Variants in RESP18 observed in about 807,000 individuals in gnomAD.
RESP18 encodes the protein regulated endocrine specific protein 18, also known as regulated endocrine-specific protein 18.
A neutral mutation model predicts 30.0 loss-of-function variants in RESP18; 30 were observed. The observed-to-expected ratio is 1.00, with a 90% CI of 0.75 to 1.36. RESP18 has a LOEUF of 1.36. Among genes scored for constraint, RESP18 ranks in the 40% most tolerant of loss-of-function variants. The pLI is 0.00. For synonymous variants in RESP18, 117 were observed against 111.2 expected, an observed-to-expected ratio of 1.05 and a Z score of -0.33; for missense variants, 320 against 284.2, an observed-to-expected ratio of 1.13 and a Z score of -0.91.
In RESP18 at chr2:219,332,628, A is replaced by G; in HGVS notation, c.128T>C (p.Ile43Thr). ...GCTCCCAGGCCACAGTGGGTGCTGT[A>G]TCCTCCCAGGCTCGGCGCGCTCACT... Residue 43 changes from isoleucine (I) to threonine (T), a missense_variant, in exon 2 of 7, where the codon ATA becomes ACA. Transcript: ENST00000333527. 1 of 1,551,422 alleles carries G rather than the reference A, an allele frequency of 6.4e-7. No homozygotes were observed. The highest frequency in any genetic ancestry group is 1.2e-5 in the South Asian group (1 of 84,046).
At chr2:219,329,330 A>AATCC (rs767874429) in intron 4 of RESP18, 78 bp from the exon 4 acceptor site, 21 of 1,551,656 alleles carry the variant, frequency 1.4e-5, no homozygotes, top group Middle Eastern at 1.7e-4. Flanking sequence ...AATTGGATAC[A>AATCC]AAGTCAGGGA....
At chr2:219,331,983 A>G (rs1952836484) in intron 2 of RESP18, among the ~76,000 whole-genome samples, 1 of 152,230 alleles carries the variant, frequency 6.6e-6, no homozygotes, top group South Asian at 2.1e-4. Flanking sequence ...CGCTCTGCGC[A>G]GGAGTTCTCG....
At chr2:219,327,885 C>T (rs1952789874) in intron 6 of RESP18, among the ~76,000 whole-genome samples, 1 of 151,446 alleles carries the variant, frequency 6.6e-6, no homozygotes, top group Non-Finnish European at 1.5e-5. Context: ...GCCCCAGCAA[C>T]CAATCCAGGC....
At position 219,332,555 on chromosome 2, in the gene RESP18, G is replaced by A. The variant is rs1012769810; in HGVS notation, c.201C>T (p.Cys67=). The change falls in exon 2 of 7, where the codon TGC becomes TGT. Residue 67 remains cysteine (C), a synonymous_variant. Transcript: ENST00000333527. ...CACTAGTGTCGCTGCAGCCCCCCGG[G>A]CAGCTGTTCAGCAGCAGGAAGCAGA... 1.9e-6 allele frequency: 3 copies of A among 1,551,246 alleles called. No individual in the cohort carries two copies. The highest frequency in any genetic ancestry group is 1.4e-5 in the African/African-American group (1 of 73,140).
chr2:219,327,441 G>T lies in RESP18; in HGVS notation c.*76C>A. 1 of 1,272,848 alleles carries T rather than the reference G, an allele frequency of 7.9e-7. No homozygotes were observed. Among genetic ancestry groups the T allele is most frequent in the South Asian group, 1.3e-5 (1 of 78,300 alleles). 78.8% of individuals were successfully genotyped at this position (1,272,848 alleles called of 1,614,324 possible). On this transcript the variant is annotated 3_prime_UTR_variant, in exon 7 of 7. Transcript: ENST00000333527. Reference sequence around the variant, plus strand: ...GAGTCTACTTTAATGATTCAAATCTGGGTCATCCAAGAACTGCTCCTCTGA... The same window carrying T: ...GAGTCTACTTTAATGATTCAAATCTTGGTCATCCAAGAACTGCTCCTCTGA...
rs1952811349 is a variant in RESP18 at position 219,329,756 on chromosome 2, AGAACAGACCTGCAG to A, written c.338-6_345del. 1 of 1,551,462 alleles carries A rather than the reference AGAACAGACCTGCAG, an allele frequency of 6.4e-7. No individual in the cohort carries two copies. The highest frequency in any genetic ancestry group is 1.2e-5 in the South Asian group (1 of 84,048). On this transcript the variant is annotated splice_acceptor_variant and splice_polypyrimidine_tract_variant and coding_sequence_variant and intron_variant, in exon 4 of 7. Coordinates refer to ENST00000333527, the MANE Select transcript of RESP18 (RefSeq NM_001007089.4). LOFTEE classifies it high-confidence loss of function. ...GCATCCTGGGTGATGTCATCCTTCC[AGAACAGACCTGCAG>A]GATGAAAGGATGGGGGGTGAGTTGA...
intron 4 of RESP18, 180 bp downstream of exon 3, chr2:219,329,457 C>T: frequency 6.4e-7 from 1 of 1,550,828 alleles, no homozygotes; most frequent in Non-Finnish European, 8.7e-7. Flanking sequence ...CACCCACCTC[C>T]CCTCCCTTTG....
chr2:219,328,329 A>G (rs1469940171), intron 6 of RESP18, among the ~76,000 whole-genome samples: 1 of 152,118 alleles, frequency 6.6e-6, no homozygotes, highest in African/African-American at 2.4e-5. Flanking sequence ...GTTCCTTAAC[A>G]TGACATGGTA....
intron 3 of RESP18, among the ~76,000 whole-genome samples, chr2:219,330,503 C>T (rs996990291): frequency 1.3e-5 from 2 of 150,594 alleles, no homozygotes; most frequent in African/African-American, 4.9e-5. Flanking sequence ...AGACTAGTCT[C>T]AAGGAGTTGG....
In RESP18 at chr2:219,332,726, C is replaced by T. The variant is rs1952845276; in HGVS notation, c.30G>A (p.Ala10=). 6.5e-7 allele frequency: 1 copy of T among 1,545,280 alleles called. No individual in the cohort carries two copies. Among genetic ancestry groups the T allele is most frequent in the African/African-American group, 1.4e-5 (1 of 72,914 alleles). Reference sequence around the variant, plus strand: ...GCGGGGCTGCAGCTTCCCACCAGCCCGCGACTCCGAATCTGTTTAACCCTC... The same window carrying T: ...GCGGGGCTGCAGCTTCCCACCAGCCTGCGACTCCGAATCTGTTTAACCCTC... Residue 10 remains alanine, a synonymous_variant, in exon 2 of 7, where the codon GCG becomes GCA. Transcript: ENST00000333527.
At chr2:219,332,892 C>G (rs1053956884) in intron 1 of RESP18, among the ~76,000 whole-genome samples, 148 bp from the exon 1 acceptor site, 2 of 152,128 alleles carry the variant, frequency 1.3e-5, no homozygotes, top group African/African-American at 4.8e-5. Context: ...CAAGAACCAC[C>G]GCCTGTACTC....
chr2:219,328,958 TCC>T lies in RESP18; in HGVS notation c.604_605del (p.Gly202ThrfsTer3). The T allele has an allele frequency of 1.9e-6, 3 of 1,551,342 alleles. No homozygotes were observed. The highest frequency in any genetic ancestry group is 2.4e-5 in the South Asian group (2 of 84,038). The stretch of plus-strand genomic sequence containing the variant: ...TATAGATAATTTCTTCCTTAGAGGG[TCC>T]CGGCGCCTGCATCATGTCCAGCCCC... On this transcript the variant is annotated frameshift_variant, in exon 6 of 7. Transcript: ENST00000333527. LOFTEE classifies it low-confidence loss of function (END_TRUNC).
At chr2:219,330,108 C>T (rs1186057678) in intron 3 of RESP18, among the ~76,000 whole-genome samples, 1 of 152,280 alleles carries the variant, frequency 6.6e-6, no homozygotes, top group East Asian at 1.9e-4. Context: ...TGTTTCCCAC[C>T]CCTAGGGCTT....
At position 219,331,973 on chromosome 2, in the gene RESP18, C is replaced by T. The variant is rs138223175; in HGVS notation, c.232+551G>A. Among the ~76,000 whole-genome samples the T allele has an allele frequency of 2.8e-3, 429 of 152,336 alleles. 8 individuals are homozygous for T. Among genetic ancestry groups the T allele is most frequent in the Non-Finnish European group, 2.1e-3 (146 of 68,026 alleles). ...AGGAGTTTGCGCTCTCTTCCCCATG[C>T]GCTCTGCGCAGGAGTTCTCGAGTGT... On this transcript the variant is annotated intron_variant, in intron 2 of 6. Transcript: ENST00000333527.
At chr2:219,329,374 T>G in intron 4 of RESP18, 122 bp from the exon 4 acceptor site, 1 of 1,551,700 alleles carries the variant, frequency 6.4e-7, no homozygotes, top group Non-Finnish European at 8.7e-7. Context: ...TGAGTCTCAC[T>G]GGGGAATAGG....
rs533146336 is a variant in RESP18 at position 219,328,983 on chromosome 2, C to T, written c.581G>A (p.Gly194Glu). ...TCCCGGCGCCTGCATCATGTCCAGCCCCCCATATGAACACCTATAGGTAAT... is the reference window on the plus strand; with the variant it reads ...TCCCGGCGCCTGCATCATGTCCAGCTCCCCATATGAACACCTATAGGTAAT... Residue 194 changes from glycine to glutamate, a missense_variant, in exon 6 of 7, where the codon GGG becomes GAG. Physicochemically the swap from Gly to Glu is moderately conservative, Grantham distance 98. Transcript: ENST00000333527. 1.3e-6 allele frequency: 2 copies of T among 1,551,256 alleles called. No individual in the cohort carries two copies. The highest frequency in any genetic ancestry group is 2.4e-5 in the South Asian group (2 of 84,046).
At chr2:219,329,533 C>G in intron 4 of RESP18, 104 bp downstream of exon 3, 1 of 1,489,590 alleles carries the variant, frequency 6.7e-7, no homozygotes, top group Non-Finnish European at 9.1e-7. Flanking sequence ...TGAATTCTCA[C>G]AGTGCTCCTG....
intron 3 of RESP18, among the ~76,000 whole-genome samples, chr2:219,330,419 G>A (rs1268912047): frequency 6.6e-6 from 1 of 152,168 alleles, no homozygotes; most frequent in East Asian, 1.9e-4. Context: ...AGAGGCTGAA[G>A]TGTGTGTTTT....
intron 1 of RESP18, chr2:219,333,113 ATAATATTATATATTAT>A (rs139479208): frequency 0.18 from 219,152 of 1,240,274 alleles, 15,171 homozygotes; most frequent in African/African-American, 0.34. Flanking sequence ...ATATATATAT[ATAATATTATATATTAT>A]ATATTATATA....
Sources: gnomAD v4.1 joint callset for allele counts (sites outside exome capture counted in the v4.1 genomes callset) on GRCh38, gnomAD v4.1.1 for gene constraint, MANE v1.5 for transcripts, NCBI Gene and HGNC (gene_info 2026-07-23, HGNC 2026-07-21) for gene names.